The following ITPR1 variants were observed in gnomAD, a reference collection of about 807,000 sequenced individuals.
ITPR1 encodes the protein inositol 1,4,5-trisphosphate-gated calcium channel ITPR1.
ITPR1 carries 96 observed loss-of-function variants against 318.4 expected under a neutral mutation model. The ratio of observed to expected loss-of-function variants is 0.30; its 90% CI spans 0.26 to 0.36. ITPR1 has a LOEUF of 0.36. ITPR1 is among the 10% of genes least tolerant of loss of function. The pLI is 1.00. For missense variants in ITPR1, 2,440 were observed against 3,460.2 expected, an observed-to-expected ratio of 0.71 and a Z score of 7.40; for synonymous variants, 1,312 against 1,289.9, an observed-to-expected ratio of 1.02 and a Z score of -0.37.
In ITPR1 at chr3:4,735,345, C is replaced by T. The variant is rs1441287942; in HGVS notation, c.5535C>T (p.Thr1845=). The change falls in exon 44 of 62, where the codon ACC becomes ACT. Residue 1845 remains threonine (T), a synonymous_variant. Transcript: ENST00000649015. ...TTGCCCTTCTGGAAGGAGGCAACACCACCATCCAGGTAGGAAGGCAGCTTG... is the reference window on the plus strand; with the variant it reads ...TTGCCCTTCTGGAAGGAGGCAACACTACCATCCAGGTAGGAAGGCAGCTTG... The part of the protein sequence containing the change: ...LAIALLEGGN[T]TIQHSFFCRL... 6.2e-7 allele frequency: 1 copy of T among 1,613,508 alleles called. No individual in the cohort carries two copies. The highest frequency in any genetic ancestry group is 1.7e-5 in the Admixed American group (1 of 59,990).
At chr3:4,522,479 C>T (rs1448733339) in intron 4 of ITPR1, among the ~76,000 whole-genome samples, 2 of 152,186 alleles carry the variant, frequency 1.3e-5, no homozygotes, top group Non-Finnish European at 1.5e-5. Context: ...ATCCAGTTGG[C>T]GTGAGACAAT....
At chr3:4,834,280 A>G (rs188287589) in intron 60 of ITPR1, among the ~76,000 whole-genome samples, 2 of 152,352 alleles carry the variant, frequency 1.3e-5, no homozygotes, top group Admixed American at 1.3e-4. Flanking sequence ...CTTAGGTATC[A>G]AAACTGTTTC....
At chr3:4,837,049 G>C (rs1050735349) in intron 61 of ITPR1, 114 bp downstream of exon 61, 10 of 971,238 alleles carry the variant, frequency 1.0e-5, no homozygotes, top group Admixed American at 3.0e-5. Flanking sequence ...AGATGGAAAA[G>C]GGAGCCAGGC....
chr3:4,793,259 C>T (rs1188490170), intron 52 of ITPR1, among the ~76,000 whole-genome samples: 10 of 152,350 alleles, frequency 6.6e-5, no homozygotes, highest in African/African-American at 2.4e-4. Flanking sequence ...ATCATATTAG[C>T]GTATCCTGCA....
chr3:4,801,372 G>A (rs954871719), intron 54 of ITPR1, among the ~76,000 whole-genome samples: 1 of 152,134 alleles, frequency 6.6e-6, no homozygotes, highest in African/African-American at 2.4e-5. Flanking sequence ...GCCCCAAAGG[G>A]AGTATTCAAA....
intron 2 of ITPR1, among the ~76,000 whole-genome samples, chr3:4,515,475 A>G (rs1004903742): frequency 2.0e-5 from 3 of 152,196 alleles, no homozygotes; most frequent in African/African-American, 4.8e-5. Context: ...GGGCATCTCC[A>G]CAGCAGATGC....
At chr3:4,664,927 T>G (rs2125196252) in intron 16 of ITPR1, among the ~76,000 whole-genome samples, 1 of 152,322 alleles carries the variant, frequency 6.6e-6, no homozygotes, top group East Asian at 1.9e-4. Context: ...CTGTTAGGTG[T>G]ATGAGGACCA....
At chr3:4,730,724 A>G (rs1159766925) in intron 42 of ITPR1, among the ~76,000 whole-genome samples, 1 of 152,106 alleles carries the variant, frequency 6.6e-6, no homozygotes, top group East Asian at 1.9e-4. Context: ...GAAACTGAAA[A>G]TCTAAGCAAG....
chr3:4,751,682 T>A (rs2044534521), intron 44 of ITPR1: 1 of 152,214 alleles, frequency 6.6e-6, no homozygotes, highest in Admixed American at 6.5e-5. Context: ...GCATAAAATA[T>A]CCCCGGATTC....
In ITPR1 at chr3:4,683,417, C is replaced by T. The variant is rs1239875679; in HGVS notation, c.3193C>T (p.His1065Tyr). The T allele has an allele frequency of 6.2e-7, 1 of 1,613,990 alleles. No homozygotes were observed. Among genetic ancestry groups the T allele is most frequent in the East Asian group, 2.2e-5 (1 of 44,886 alleles). The change falls in exon 27 of 62, where the codon CAC (histidine) becomes TAC (tyrosine). Residue 1065 changes from histidine (H) to tyrosine (Y), a missense_variant. Coordinates refer to ENST00000649015, the MANE Select transcript of ITPR1 (RefSeq NM_001378452.1). ...GAACACCCCACTGGACTTGGATGAC[C>T]ACGGCGGCAGAACCTTTCTCCGTGT... ...EENTPLDLDDHGGRTFLRVLL... is the reference protein window; with the variant it reads ...EENTPLDLDDYGGRTFLRVLL...
chr3:4,694,179 A>AT (rs1006730355), intron 33 of ITPR1, among the ~76,000 whole-genome samples: 23 of 151,380 alleles, frequency 1.5e-4, no homozygotes, highest in African/African-American at 5.3e-4. Context: ...CAGACAATCA[A>AT]TTAAAAAAAA....
At chr3:4,497,106 A>G (rs760970926) in intron 2 of ITPR1, among the ~76,000 whole-genome samples, 25 of 152,202 alleles carry the variant, frequency 1.6e-4, no homozygotes, top group Middle Eastern at 3.4e-3. Context: ...GCATAGCTCA[A>G]TTGATGAATG....
chr3:4,566,026 C>G (rs888005931), intron 4 of ITPR1, among the ~76,000 whole-genome samples: 13 of 152,192 alleles, frequency 8.5e-5, no homozygotes, highest in African/African-American at 3.1e-4. Context: ...CCCCGTCTTG[C>G]TCATTGATTT....
chr3:4,702,346 G>A (rs185188639), intron 35 of ITPR1, among the ~76,000 whole-genome samples: 5 of 152,304 alleles, frequency 3.3e-5, no homozygotes, highest in East Asian at 3.9e-4. Flanking sequence ...TGAGATCCAC[G>A]TATCAGTTTG....
At chr3:4,821,658 T>C (rs1021876819) in intron 60 of ITPR1, among the ~76,000 whole-genome samples, 2 of 152,180 alleles carry the variant, frequency 1.3e-5, no homozygotes, top group African/African-American at 4.8e-5. Context: ...TTCCCTGCAT[T>C]GGTGGCTGCT....
At chr3:4,526,648 T>C (rs939315310) in intron 4 of ITPR1, among the ~76,000 whole-genome samples, 1 of 152,256 alleles carries the variant, frequency 6.6e-6, no homozygotes, top group African/African-American at 2.4e-5. Flanking sequence ...TCTCTTTTAA[T>C]CTGAGGAACC....
intron 3 of ITPR1, 75 bp from the exon 4 acceptor site, chr3:4,520,949 A>C: frequency 9.2e-7 from 1 of 1,082,748 alleles, no homozygotes; most frequent in South Asian, 1.3e-5. Flanking sequence ...AAGCCCTGGG[A>C]TATCTGATTT....
At chr3:4,566,598 ACACATG>A (rs1244025257) in intron 4 of ITPR1, among the ~76,000 whole-genome samples, 109 of 117,038 alleles carry the variant, frequency 9.3e-4, no homozygotes, top group Middle Eastern at 8.5e-3. Flanking sequence ...CTGAATGGGG[ACACATG>A]CACACACACA....
intron 42 of ITPR1, among the ~76,000 whole-genome samples, chr3:4,730,581 A>G (rs2042859466): frequency 6.6e-6 from 1 of 152,090 alleles, no homozygotes; most frequent in South Asian, 2.1e-4. Context: ...TCCAGTCTGC[A>G]TAAATGTGGA....
Sources: gnomAD v4.1 joint callset for allele counts (sites outside exome capture counted in the v4.1 genomes callset) on GRCh38, gnomAD v4.1.1 for gene constraint, MANE v1.5 for transcripts, NCBI Gene and HGNC (gene_info 2026-07-23, HGNC 2026-07-21) for gene names.